The following RAB27B variants were observed in gnomAD, a reference collection of about 807,000 sequenced individuals.
RAB27B encodes RAB27B, member RAS oncogene family.
RAB27B carries 15 observed loss-of-function variants against 24.6 expected under a neutral mutation model. The observed-to-expected ratio is 0.61, with a 90% confidence interval of 0.41 to 0.94. The LOEUF (loss-of-function observed/expected upper bound fraction) is 0.94, where lower values mean the gene tolerates loss of function less well. RAB27B is among the 40% of genes least tolerant of loss of function. The pLI, the probability that RAB27B is intolerant of heterozygous loss-of-function variation, is 0.00. For synonymous variants in RAB27B, 105 were observed against 92.5 expected (o/e 1.14, Z -0.78); for missense variants, 261 against 266.8 (o/e 0.98, Z 0.15).
At chr18:54,755,712 T>C (rs1200323187) in intron 2 of RAB27B, among the ~76,000 whole-genome samples, 1 of 152,246 alleles carries the variant, frequency 6.6e-6, no homozygotes, top group African/African-American at 2.4e-5. Flanking sequence ...CAGATCTCCA[T>C]CTTTATTAAC....
intron 2 of RAB27B, among the ~76,000 whole-genome samples, chr18:54,748,026 A>G (rs1910309072): frequency 6.6e-6 from 1 of 152,036 alleles, no homozygotes; most frequent in Non-Finnish European, 1.5e-5. Flanking sequence ...GGATGACTTG[A>G]GCCCAGGGAA....
intron 3 of RAB27B, among the ~76,000 whole-genome samples, chr18:54,881,413 G>T (rs1402060871): frequency 6.6e-6 from 1 of 152,064 alleles, no homozygotes; most frequent in Non-Finnish European, 1.5e-5. Context: ...AATTCAAGGG[G>T]AGTTAGTATG....
intron 1 of RAB27B, among the ~76,000 whole-genome samples, chr18:54,861,436 T>G (rs1377380698): frequency 6.6e-6 from 1 of 152,226 alleles, no homozygotes; most frequent in East Asian, 1.9e-4. Flanking sequence ...CATATCATTT[T>G]CATGATAAGG....
intron 2 of RAB27B, among the ~76,000 whole-genome samples, chr18:54,751,078 A>G (rs1781819727): frequency 6.6e-6 from 1 of 152,220 alleles, no homozygotes. Flanking sequence ...CTCGAGAGAC[A>G]CTGAAGTTAA....
At chr18:54,728,900 A>AC (rs1568044201) in intron 2 of RAB27B, among the ~76,000 whole-genome samples, 14 of 63,950 alleles carry the variant, frequency 2.2e-4, no homozygotes, top group East Asian at 1.0e-3. Context: ...AAAAAAAAAA[A>AC]CCCAAAAAAA....
intron 1 of RAB27B, among the ~76,000 whole-genome samples, chr18:54,847,582 C>A (rs939444857): frequency 1.3e-5 from 2 of 152,092 alleles, no homozygotes; most frequent in African/African-American, 4.8e-5. Context: ...TTTTAAATAC[C>A]TATGCTCATT....
chr18:54,744,445 G>A (rs1323301784), intron 2 of RAB27B, among the ~76,000 whole-genome samples: 1 of 152,096 alleles, frequency 6.6e-6, no homozygotes, highest in Non-Finnish European at 1.5e-5. Context: ...GTTTCTTTTT[G>A]AAGGAGAATA....
At chr18:54,853,630 A>G (rs1165149368) in intron 1 of RAB27B, among the ~76,000 whole-genome samples, 1 of 152,180 alleles carries the variant, frequency 6.6e-6, no homozygotes, top group Non-Finnish European at 1.5e-5. Context: ...ATTAATCGGT[A>G]TGAAGTTTCT....
chr18:54,792,928 G>A (rs1271305141), intron 2 of RAB27B, among the ~76,000 whole-genome samples: 2 of 152,092 alleles, frequency 1.3e-5, no homozygotes, highest in Non-Finnish European at 2.9e-5. Flanking sequence ...TTGGTTCCAG[G>A]ATTCAAGTCC....
Position 54,776,989 on chromosome 18 carries a change from G to T in RAB27B, c.-20+58848G>T, listed in dbSNP as rs572939778. 2.6e-5 allele frequency among the ~76,000 whole-genome samples: 4 copies of T among 152,194 alleles called. No individual in the cohort carries two copies. In the East Asian group the frequency reaches 7.7e-4, roughly 29 times the overall value. On this transcript the variant is annotated intron_variant, in intron 2 of 4. Transcript: ENST00000586570. ...GAGCCTGGGAGGCAGAGGTTGCAGT[G>T]AGCCAAGATGGCACCACTGTATTGG...
intron 2 of RAB27B, among the ~76,000 whole-genome samples, chr18:54,775,519 T>G (rs761995949): frequency 1.5e-4 from 23 of 152,200 alleles, no homozygotes; most frequent in Non-Finnish European, 2.9e-4. Context: ...AATTGTCATG[T>G]TTTGCCTCCT....
intron 2 of RAB27B, among the ~76,000 whole-genome samples, chr18:54,814,710 C>T (rs1327130698): frequency 6.6e-6 from 1 of 152,082 alleles, no homozygotes; most frequent in African/African-American, 2.4e-5. Context: ...GAATAACAAC[C>T]ATGCCAAAAT....
At position 54,791,635 on chromosome 18, in the gene RAB27B, A is replaced by T. The variant is rs533483600; in HGVS notation, c.-20+73494A>T. Among the ~76,000 whole-genome samples the T allele has an allele frequency of 2.0e-5, 3 of 152,284 alleles. No homozygotes were observed. The South Asian group carries it at 6.2e-4, about 32-fold the overall frequency. On this transcript the variant is annotated intron_variant, in intron 2 of 4. Transcript: ENST00000586570. ...CCTCCACGGACCTAGGTGAGGACAG[A>T]CACTCCTGCCTTGACGCGCAAATAT...
chr18:54,779,184 T>A (rs1908812604), intron 2 of RAB27B, among the ~76,000 whole-genome samples: 1 of 152,200 alleles, frequency 6.6e-6, no homozygotes, highest in South Asian at 2.1e-4. Context: ...TCCAATTATG[T>A]CATTCTAGAT....
chr18:54,725,245 T>C (rs764377930), intron 2 of RAB27B, among the ~76,000 whole-genome samples: 9 of 151,436 alleles, frequency 5.9e-5, no homozygotes, highest in African/African-American at 1.7e-4. Context: ...AGATAATATA[T>C]GTAAAGCACT....
intron 3 of RAB27B, among the ~76,000 whole-genome samples, chr18:54,883,132 G>A (rs1309283639): frequency 6.6e-6 from 1 of 152,152 alleles, no homozygotes; most frequent in African/African-American, 2.4e-5. Context: ...ATTAGGAAGA[G>A]TGGCCAGTTT....
chr18:54,797,493 G>A (rs11151991), intron 2 of RAB27B, among the ~76,000 whole-genome samples: 1 of 152,104 alleles, frequency 6.6e-6, no homozygotes, highest in African/African-American at 2.4e-5. Context: ...TCCAATTTGG[G>A]CCACAGAGTG....
chr18:54,763,039 C>T (rs1160601927), intron 2 of RAB27B, among the ~76,000 whole-genome samples: 2 of 152,114 alleles, frequency 1.3e-5, no homozygotes, highest in African/African-American at 4.8e-5. Flanking sequence ...TTTATTGAGT[C>T]TCTAAGCTCA....
chr18:54,794,578 T>C lies in RAB27B; in HGVS notation c.-20+76437T>C, dbSNP rs193064136. Among the ~76,000 whole-genome samples, 593 of 152,372 alleles carry C rather than the reference T, an allele frequency of 3.9e-3. 5 individuals carry two copies. The highest frequency in any genetic ancestry group is 5.4e-3 in the Non-Finnish European group (370 of 68,038). ...GGTTTTGACAGAGATCACATACTGA[T>C]GTGTGTATTTGATCCACACAATGTT... On this transcript the variant is annotated intron_variant, in intron 2 of 4. Transcript: ENST00000586570.
Sources: allele counts gnomAD v4.1 joint callset (sites outside exome capture counted in the v4.1 genomes callset), GRCh38; gene constraint gnomAD v4.1.1; transcripts MANE v1.5; gene names NCBI Gene and HGNC (gene_info 2026-07-23, HGNC 2026-07-21).